Variants in PXN observed in about 807,000 individuals in gnomAD.
PXN encodes the protein testicular tissue protein Li 134.
Under a neutral mutation model 103.6 loss-of-function variants are expected in PXN, and 61 were observed. The ratio of observed to expected loss-of-function variants is 0.59; its 90% confidence interval spans 0.48 to 0.73. The LOEUF is 0.73. Ranked by LOEUF, PXN falls within the 30% of genes least tolerant of loss-of-function variation. The pLI, the probability that PXN is intolerant of heterozygous loss-of-function variation, is 0.00. For missense variants in PXN, 1,274 were observed against 1,460.3 expected (o/e 0.87, Z 2.08); for synonymous variants, 562 against 607.8 (o/e 0.92, Z 1.11).
chr12:120,226,000 C>T lies in PXN; in HGVS notation c.14-1623G>A. 1 of 1,043,198 alleles carries T rather than the reference C, an allele frequency of 9.6e-7. No homozygotes were observed. The highest frequency in any genetic ancestry group is 1.2e-6 in the Non-Finnish European group (1 of 847,880). 64.6% of individuals were successfully genotyped at this position (1,043,198 alleles called of 1,614,324 possible). ...GCCTGACCTCCAAGGAAGTTCAGGT[C>T]CTACAGCCCGCCCCGCCCTCCGGGT... On this transcript the variant is annotated intron_variant, in intron 1 of 14. Transcript: ENST00000637617. The surrounding 1 kb of genome is among the most constrained non-coding windows in gnomAD (Gnocchi z 4.4).
rs575807616 is a variant in PXN at position 120,225,056 on chromosome 12, G to A, written c.14-679C>T. On this transcript the variant is annotated intron_variant, in intron 1 of 14. Coordinates refer to ENST00000637617, the MANE Select transcript of PXN (RefSeq NM_001385981.1). The surrounding 1 kb of genome is among the most constrained non-coding windows in gnomAD (Gnocchi z 4.4). ...TCTGCGGAAGTCTGGCAAGCAGCCC[G>A]GCCCCAGAGGCTCCAGGCCCCCACT... 104 of 259,466 alleles carry A rather than the reference G, an allele frequency of 4.0e-4. No homozygotes were observed. The highest frequency in any genetic ancestry group is 8.5e-4 in the East Asian group (9 of 10,534). The allele number at this position is 259,466 out of a possible 1,614,324, so 16.1% of individuals were successfully genotyped here.
rs751803102 is a variant in PXN, at chr12:120,215,599, G to A, written c.2364C>T (p.Asp788=). ...GCCCTCCGGGGCTGCTCCGCCCGCCGTCCCGAGGCCAGCCGGCCGCCCAGC... is the reference window on the plus strand; with the variant it reads ...GCCCTCCGGGGCTGCTCCGCCCGCCATCCCGAGGCCAGCCGGCCGCCCAGC... The part of the protein sequence containing the change: ...ERCWAAGWPR[D]GGRSSPGGQD... Residue 788 remains aspartate, a synonymous_variant, in exon 10 of 15, where the codon GAC becomes GAT. Coordinates refer to ENST00000637617, the MANE Select transcript of PXN (RefSeq NM_001385981.1). This position sits in a 1 kb window ranked among gnomAD's most constrained non-coding sequence, Gnocchi z 4.9. 7.0e-5 allele frequency: 112 copies of A among 1,610,018 alleles called. No homozygotes were observed. Among genetic ancestry groups the A allele is most frequent in the Non-Finnish European group, 8.5e-5 (100 of 1,178,650 alleles).
chr12:120,218,593 C>A (rs1884028472), intron 7 of PXN, among the ~76,000 whole-genome samples: 1 of 152,240 alleles, frequency 6.6e-6, no homozygotes, highest in Non-Finnish European at 1.5e-5. Flanking sequence ...TCAGGCTGGC[C>A]TCGAACTCCC....
In PXN at chr12:120,215,537, C is replaced by G. The variant is rs1197834831; in HGVS notation, c.2403+23G>C. 1.9e-6 allele frequency: 3 copies of G among 1,557,980 alleles called. No homozygotes were observed. Among genetic ancestry groups the G allele is most frequent in the Non-Finnish European group, 2.6e-6 (3 of 1,154,186 alleles). On this transcript the variant is annotated intron_variant, in intron 10 of 14. Transcript: ENST00000637617. This position sits in a 1 kb window ranked among gnomAD's most constrained non-coding sequence, Gnocchi z 4.9. Reference sequence around the variant, plus strand: ...CAGGGAGAGCACGACACGCAGGACACCCAGCCCAGCCTTGGCACTGACCCC... The same window carrying G: ...CAGGGAGAGCACGACACGCAGGACAGCCAGCCCAGCCTTGGCACTGACCCC...
intron 1 of PXN, among the ~76,000 whole-genome samples, chr12:120,249,383 A>G (rs1421856765): frequency 6.6e-6 from 1 of 152,082 alleles, no homozygotes; most frequent in Non-Finnish European, 1.5e-5. Flanking sequence ...GTGCAGACTG[A>G]TAATACCCAA....
chr12:120,222,731 G>A lies in PXN; in HGVS notation c.513C>T (p.Pro171=). 6.2e-7 allele frequency: 1 copy of A among 1,607,510 alleles called. No homozygotes were observed. ...GFPADEANSS[P]PLPGALSPLY... ...GGGGGCTCAGGGCCCCAGGAAGCGGGGGGCTTGAGTTGGCCTCATCTTGCA... is the reference window on the plus strand; with the variant it reads ...GGGGGCTCAGGGCCCCAGGAAGCGGAGGGCTTGAGTTGGCCTCATCTTGCA... Residue 171 remains proline, a synonymous_variant, in exon 5 of 15, where the codon CCC becomes CCT. Coordinates refer to ENST00000637617, the MANE Select transcript of PXN (RefSeq NM_001385981.1). The surrounding 1 kb of genome is among the most constrained non-coding windows in gnomAD (Gnocchi z 4.7).
rs1410033095 is a variant in PXN at position 120,214,489 on chromosome 12, T to C, written c.2749-272A>G. 6.6e-6 allele frequency among the ~76,000 whole-genome samples: 1 copy of C among 152,082 alleles called. No individual in the cohort carries two copies. Among genetic ancestry groups the C allele is most frequent in the East Asian group, 1.9e-4 (1 of 5,190 alleles). On this transcript the variant is annotated intron_variant, in intron 12 of 14. Coordinates refer to ENST00000637617, the MANE Select transcript of PXN (RefSeq NM_001385981.1). The surrounding 1 kb of genome is among the most constrained non-coding windows in gnomAD (Gnocchi z 5.0). ...CTCCCATTTTATAAGTGAAGAAACA[T>C]AGGCTCAGAGAGGCCAGGCATTTCC...
At chr12:120,259,034 A>G (rs1423003957) in intron 1 of PXN, among the ~76,000 whole-genome samples, 1 of 151,832 alleles carries the variant, frequency 6.6e-6, no homozygotes, top group East Asian at 1.9e-4. Context: ...GTGCCACTGC[A>G]CTCCAGCCTG....
In PXN at chr12:120,220,460, G is replaced by A. The variant is rs968902045; in HGVS notation, c.832-369C>T. Among the ~76,000 whole-genome samples the A allele has an allele frequency of 1.2e-4, 18 of 152,120 alleles. No homozygotes were observed. The highest frequency in any genetic ancestry group is 9.8e-4 in the Admixed American group (15 of 15,280). On this transcript the variant is annotated intron_variant, in intron 6 of 14. Coordinates refer to ENST00000637617, the MANE Select transcript of PXN (RefSeq NM_001385981.1). The surrounding 1 kb of genome is among the most constrained non-coding windows in gnomAD (Gnocchi z 6.1). ...CCCCAGGGGCTGCTGAACCCGCCTCGGACACTGGCCCAACTCGGCCATGTC... is the reference window on the plus strand; with the variant it reads ...CCCCAGGGGCTGCTGAACCCGCCTCAGACACTGGCCCAACTCGGCCATGTC...
At chr12:120,234,349 C>T (rs1487181808) in intron 1 of PXN, among the ~76,000 whole-genome samples, 1 of 152,096 alleles carries the variant, frequency 6.6e-6, no homozygotes, top group Admixed American at 6.5e-5. Context: ...GCAGAAGTTG[C>T]AGTGAACAGA....
At chr12:120,249,044 C>G (rs769810613) in intron 1 of PXN, among the ~76,000 whole-genome samples, 5 of 151,828 alleles carry the variant, frequency 3.3e-5, no homozygotes, top group Non-Finnish European at 5.9e-5. Flanking sequence ...GGCTGAGGCA[C>G]GAGAATCGCT....
rs1363875355 is a variant in PXN, at chr12:120,211,969, G to C, written c.*345C>G. Reference sequence around the variant, plus strand: ...CCCTTCCCTGCCCCCCGGCTGCACTGCTGAAATATGAGGAAGAGATGGCTC... The same window carrying C: ...CCCTTCCCTGCCCCCCGGCTGCACTCCTGAAATATGAGGAAGAGATGGCTC... On this transcript the variant is annotated 3_prime_UTR_variant, in exon 15 of 15. Coordinates refer to ENST00000637617, the MANE Select transcript of PXN (RefSeq NM_001385981.1). 3.5e-6 allele frequency: 2 copies of C among 575,986 alleles called. No individual in the cohort carries two copies. The highest frequency in any genetic ancestry group is 6.7e-6 in the Non-Finnish European group (2 of 297,532). The allele number at this position is 575,986 out of a possible 1,614,324, so 35.7% of individuals were successfully genotyped here.
Position 120,215,814 on chromosome 12 carries a change from A to G in PXN, c.2302-153T>C. The G allele has an allele frequency of 7.8e-7, 1 of 1,284,106 alleles. No homozygotes were observed. The highest frequency in any genetic ancestry group is 1.0e-6 in the Non-Finnish European group (1 of 971,506). The allele number at this position is 1,284,106 out of a possible 1,614,324, so 79.5% of individuals were successfully genotyped here. ...CAAAATTGGGGGAAAAAATCTGGAG[A>G]AAAAGAGCCCTGAGAGAGAGGCCTA... is the stretch of plus-strand genomic sequence containing the variant. On this transcript the variant is annotated intron_variant, in intron 9 of 14. Transcript: ENST00000637617. This position sits in a 1 kb window ranked among gnomAD's most constrained non-coding sequence, Gnocchi z 4.9.
rs1440825213 is a variant in PXN at position 120,228,209 on chromosome 12, T to TTCTCTACTAAGGAA, written c.14-3833_14-3832insTTCCTTAGTAGAGA. Reference sequence around the variant, plus strand: ...AGCTAAGAAAGGCCTCAAATTTCCTTGGCATTACTCTACTAAGTTTCCAGG... The same window carrying TTCTCTACTAAGGAA: ...AGCTAAGAAAGGCCTCAAATTTCCTTTCTCTACTAAGGAAGGCATTACTCTACTAAGTTTCCAGG... On this transcript the variant is annotated intron_variant, in intron 1 of 14. Transcript: ENST00000637617. This position sits in a 1 kb window ranked among gnomAD's most constrained non-coding sequence, Gnocchi z 4.7. Among the ~76,000 whole-genome samples, 2 of 152,222 alleles carry TTCTCTACTAAGGAA rather than the reference T, an allele frequency of 1.3e-5. No individual in the cohort carries two copies. The highest frequency in any genetic ancestry group is 2.9e-5 in the Non-Finnish European group (2 of 68,034).
rs754164073 is a variant in PXN, at chr12:120,219,171, T to C, written c.1716+36A>G. 10 of 1,510,396 alleles carry C rather than the reference T, an allele frequency of 6.6e-6. No homozygotes were observed. In the South Asian group the frequency reaches 1.3e-4, roughly 19 times the overall value. The allele number at this position is 1,510,396 out of a possible 1,614,324, so 93.6% of individuals were successfully genotyped here. On this transcript the variant is annotated intron_variant, in intron 7 of 14. Transcript: ENST00000637617. This position sits in a 1 kb window ranked among gnomAD's most constrained non-coding sequence, Gnocchi z 6.5. ...AGCGGCCCACACTCAGACCCGCCAA[T>C]GGCCATGCCCAGCAGCCATGCGAGC...
chr12:120,217,039 C>A lies in PXN; in HGVS notation c.1794G>T (p.Arg598=). ...PMSREPSPRR[R]LDPATLSRTP... Reference sequence around the variant, plus strand: ...TCCTGCTCAAGGTGGCAGGGTCCAGCCGGCGGCGAGGGGAGGGCTCCCGGG... The same window carrying A: ...TCCTGCTCAAGGTGGCAGGGTCCAGACGGCGGCGAGGGGAGGGCTCCCGGG... The change falls in exon 8 of 15, where the codon CGG becomes CGT. Residue 598 remains arginine (R), a synonymous_variant. Coordinates refer to ENST00000637617, the MANE Select transcript of PXN (RefSeq NM_001385981.1). This position sits in a 1 kb window ranked among gnomAD's most constrained non-coding sequence, Gnocchi z 4.1. The A allele has an allele frequency of 6.3e-7, 1 of 1,587,866 alleles. No homozygotes were observed. The highest frequency in any genetic ancestry group is 8.5e-7 in the Non-Finnish European group (1 of 1,175,424).
At position 120,221,548 on chromosome 12, in the gene PXN, C is replaced by T; in HGVS notation, c.831+75G>A. On this transcript the variant is annotated intron_variant, in intron 6 of 14. Coordinates refer to ENST00000637617, the MANE Select transcript of PXN (RefSeq NM_001385981.1). This position sits in a 1 kb window ranked among gnomAD's most constrained non-coding sequence, Gnocchi z 6.6. ...ACACTGAGATGCCAAGATCCAGCTACCCACACTGAGGTAAGGGAGGAGAAG... is the reference window on the plus strand; with the variant it reads ...ACACTGAGATGCCAAGATCCAGCTATCCACACTGAGGTAAGGGAGGAGAAG... 2 of 1,461,174 alleles carry T rather than the reference C, an allele frequency of 1.4e-6. No homozygotes were observed. The highest frequency in any genetic ancestry group is 1.4e-5 in the African/African-American group (1 of 71,778). The allele number at this position is 1,461,174 out of a possible 1,614,324, so 90.5% of individuals were successfully genotyped here.
chr12:120,256,924 C>T (rs1235591967), intron 1 of PXN, among the ~76,000 whole-genome samples: 1 of 152,156 alleles, frequency 6.6e-6, no homozygotes, highest in East Asian at 1.9e-4. Flanking sequence ...CCATGTTGGT[C>T]AAGCTGGTCT....
In PXN at chr12:120,216,739, C is replaced by T; in HGVS notation, c.1992+102G>A. Reference sequence around the variant, plus strand: ...ACAGGAGGCAAGAAACCCCCACCCTCTCCCCAGATCTCCCCTCCGGCCAGC... The same window carrying T: ...ACAGGAGGCAAGAAACCCCCACCCTTTCCCCAGATCTCCCCTCCGGCCAGC... On this transcript the variant is annotated intron_variant, in intron 8 of 14. Transcript: ENST00000637617. The surrounding 1 kb of genome is among the most constrained non-coding windows in gnomAD (Gnocchi z 5.1). 1 of 1,594,330 alleles carries T rather than the reference C, an allele frequency of 6.3e-7. No homozygotes were observed. Among genetic ancestry groups the T allele is most frequent in the Non-Finnish European group, 8.5e-7 (1 of 1,178,478 alleles).
Sources: allele counts gnomAD v4.1 joint callset (sites outside exome capture counted in the v4.1 genomes callset), GRCh38; gene constraint gnomAD v4.1.1; non-coding constraint Gnocchi (gnomAD v3.1); transcripts MANE v1.5; gene names NCBI Gene and HGNC (gene_info 2026-07-23, HGNC 2026-07-21).